Variants in MINDY4 observed in about 807,000 individuals in gnomAD.
MINDY4 encodes the protein MINDY lysine 48 deubiquitinase 4.
In MINDY4, 68 loss-of-function variants were observed where a neutral mutation model predicts 87.0. The ratio of observed to expected loss-of-function variants is 0.78; its 90% CI spans 0.64 to 0.96. MINDY4 has a LOEUF of 0.96. Ranked by LOEUF, MINDY4 falls within the 40% of genes least tolerant of loss-of-function variation. The pLI, the probability that MINDY4 is intolerant of heterozygous loss-of-function variation, is 0.00. For synonymous variants in MINDY4, 379 were observed against 363.2 expected (o/e 1.04, Z -0.50); for missense variants, 919 against 928.2 (o/e 0.99, Z 0.13).
At chr7:30,817,761 C>A (rs1454343599) in intron 5 of MINDY4, among the ~76,000 whole-genome samples, 1 of 152,226 alleles carries the variant, frequency 6.6e-6, no homozygotes, top group East Asian at 1.9e-4. Context: ...GCCAGTCTTA[C>A]CTAGCATGTG....
intron 17 of MINDY4, among the ~76,000 whole-genome samples, chr7:30,884,163 G>GT (rs1790559742): frequency 6.6e-6 from 1 of 152,176 alleles, no homozygotes; most frequent in Non-Finnish European, 1.5e-5. Context: ...CAAGCTTAGG[G>GT]TTGATGCCCA....
In MINDY4 at chr7:30,839,327, C is replaced by T. The variant is rs377553266; in HGVS notation, c.1356+11C>T. ...ATAGTGCAGAACAAGGCAGGTTGCT[C>T]CTAGGTTTCCTTGGGACCTTTCTGC... On this transcript the variant is annotated intron_variant, in intron 8 of 17. Transcript: ENST00000265299. 5 of 1,541,360 alleles carry T rather than the reference C, an allele frequency of 3.2e-6. No homozygotes were observed. In the African/African-American group the frequency reaches 6.9e-5, roughly 21 times the overall value.
In MINDY4 at chr7:30,836,659, G is replaced by A; in HGVS notation, c.1134G>A (p.Glu378=). 2 of 1,613,704 alleles carry A rather than the reference G, an allele frequency of 1.2e-6. No homozygotes were observed. The highest frequency in any genetic ancestry group is 1.7e-5 in the Admixed American group (1 of 59,996). The change falls in exon 7 of 18, where the codon GAG becomes GAA. Residue 378 remains glutamate, a splice_region_variant and synonymous_variant. Transcript: ENST00000265299. ...VDGELGALRL[E]DVEDELIREE... ...CACATGGCCATGGTTTTCTTTCAGA[G>A]GATGTGGAGGATGAGTTGATAAGGG... is the stretch of plus-strand genomic sequence containing the variant.
At chr7:30,870,033 TC>T (rs1790054197) in intron 13 of MINDY4, among the ~76,000 whole-genome samples, 1 of 152,210 alleles carries the variant, frequency 6.6e-6, no homozygotes, top group Non-Finnish European at 1.5e-5. Context: ...CATAAGCCAC[TC>T]CTTGGCATCT....
At chr7:30,775,811 A>G (rs1024515982) in intron 1 of MINDY4, among the ~76,000 whole-genome samples, 1 of 152,198 alleles carries the variant, frequency 6.6e-6, no homozygotes, top group Non-Finnish European at 1.5e-5. Context: ...GAACAAATAT[A>G]TATTTATCAT....
At chr7:30,824,404 C>T (rs1021154489) in intron 5 of MINDY4, among the ~76,000 whole-genome samples, 4 of 152,252 alleles carry the variant, frequency 2.6e-5, no homozygotes, top group Admixed American at 6.5e-5. Flanking sequence ...CCTCTGAATA[C>T]GGCCACACTG....
At chr7:30,820,111 C>T (rs898938269) in intron 5 of MINDY4, among the ~76,000 whole-genome samples, 7 of 151,360 alleles carry the variant, frequency 4.6e-5, no homozygotes, top group Non-Finnish European at 8.8e-5. Context: ...CCGTTTTAGC[C>T]GGGATGGTCT....
intron 2 of MINDY4, chr7:30,779,862 G>C (rs925032733): frequency 6.6e-6 from 1 of 152,188 alleles, no homozygotes; most frequent in Non-Finnish European, 1.5e-5. Context: ...TATTTTTTAA[G>C]ACACCCAGAA....
intron 9 of MINDY4, among the ~76,000 whole-genome samples, chr7:30,846,353 G>A (rs938481022): frequency 1.3e-5 from 2 of 152,192 alleles, no homozygotes; most frequent in East Asian, 1.9e-4. Context: ...AAACACTTGG[G>A]TAATTTAGGT....
At chr7:30,876,144 A>C (rs1385253651) in intron 15 of MINDY4, among the ~76,000 whole-genome samples, 2 of 151,550 alleles carry the variant, frequency 1.3e-5, no homozygotes, top group East Asian at 3.9e-4. Context: ...CATAAGGAGA[A>C]TCCTTCCTTG....
At chr7:30,882,127 C>G (rs1168602154) in intron 15 of MINDY4, 54 bp from the exon 16 acceptor site, 1 of 1,528,012 alleles carries the variant, frequency 6.5e-7, no homozygotes, top group East Asian at 2.3e-5. Context: ...AGAAAAATGC[C>G]CGGACCCCTT....
chr7:30,812,079 C>G (rs1221117040), intron 5 of MINDY4, among the ~76,000 whole-genome samples: 3 of 152,076 alleles, frequency 2.0e-5, no homozygotes, highest in African/African-American at 4.8e-5. Flanking sequence ...ATGCAAGGAT[C>G]TGGGAGAACT....
At chr7:30,800,885 C>G (rs965134611) in intron 5 of MINDY4, among the ~76,000 whole-genome samples, 27 of 152,222 alleles carry the variant, frequency 1.8e-4, no homozygotes, top group Admixed American at 5.2e-4. Context: ...GAAGAATGGA[C>G]AGTAGATGGC....
intron 5 of MINDY4, among the ~76,000 whole-genome samples, chr7:30,824,639 T>G (rs920148249): frequency 1.3e-5 from 2 of 152,316 alleles, no homozygotes; most frequent in Non-Finnish European, 2.9e-5. Context: ...GCTTGCGTGA[T>G]CATAGCTCAC....
chr7:30,816,801 A>T (rs1788163961), intron 5 of MINDY4, among the ~76,000 whole-genome samples: 1 of 152,226 alleles, frequency 6.6e-6, no homozygotes, highest in Admixed American at 6.5e-5. Flanking sequence ...TTCCAAGCAG[A>T]GAGCTTTTCT....
chr7:30,849,581 G>A (rs1412191233), intron 9 of MINDY4, among the ~76,000 whole-genome samples: 1 of 152,086 alleles, frequency 6.6e-6, no homozygotes, highest in Non-Finnish European at 1.5e-5. Flanking sequence ...TTGATCCTAC[G>A]ACTGTGTCGT....
intron 5 of MINDY4, among the ~76,000 whole-genome samples, chr7:30,820,254 A>T (rs1011409621): frequency 1.3e-5 from 2 of 148,518 alleles, no homozygotes; most frequent in African/African-American, 4.9e-5. Context: ...GGCAAGTTTA[A>T]TTTTTTTTTT....
At chr7:30,848,151 T>C (rs566549901) in intron 9 of MINDY4, among the ~76,000 whole-genome samples, 2 of 152,230 alleles carry the variant, frequency 1.3e-5, no homozygotes, top group Admixed American at 6.5e-5. Flanking sequence ...CTTCCAGATA[T>C]GGAGTTTTTC....
At chr7:30,880,689 G>GCACGTCCAGC (rs1165363243) in intron 15 of MINDY4, among the ~76,000 whole-genome samples, 2 of 152,156 alleles carry the variant, frequency 1.3e-5, no homozygotes, top group East Asian at 3.9e-4. Context: ...TGGGGTTTAG[G>GCACGTCCAGC]CACGTCCAGC....
Sources: allele counts gnomAD v4.1 joint callset (sites outside exome capture counted in the v4.1 genomes callset), GRCh38; gene constraint gnomAD v4.1.1; transcripts MANE v1.5; gene names NCBI Gene and HGNC (gene_info 2026-07-23, HGNC 2026-07-21).